AGO4: variants seen among roughly 807,000 people sequenced by gnomAD.
AGO4 encodes protein argonaute-4.
AGO4 carries 33 observed loss-of-function variants against 104.7 expected under a neutral mutation model. The observed-to-expected ratio is 0.32, with a 90% CI of 0.24 to 0.42. The LOEUF is 0.42. AGO4 is among the 10% of genes least tolerant of loss of function. The probability of loss-of-function intolerance (pLI) is 1.00; values close to 1 mark genes in which losing one functional copy is unlikely to be tolerated. For synonymous variants in AGO4, 331 were observed against 364.7 expected (o/e 0.91, Z 1.05); for missense variants, 711 against 1,083.4 (o/e 0.66, Z 4.83).
chr1:35,829,218 A>G (rs1441708875), intron 7 of AGO4, among the ~76,000 whole-genome samples: 1 of 151,920 alleles, frequency 6.6e-6, no homozygotes, highest in Non-Finnish European at 1.5e-5. Context: ...ATTCTTCAGT[A>G]TGACCTCATG....
In AGO4 at chr1:35,836,111, C is replaced by A. The variant is rs1019124027; in HGVS notation, c.1724+118C>A. 1.9e-5 allele frequency: 20 copies of A among 1,027,464 alleles called. No individual in the cohort carries two copies. The African/African-American group carries it at 3.1e-4, about 16-fold the overall frequency. The allele number at this position is 1,027,464 out of a possible 1,614,324, so 63.6% of individuals were successfully genotyped here. A position where few individuals can be genotyped will look rare whatever the true frequency, so the allele number is the denominator to read the frequency against. On this transcript the variant is annotated intron_variant, in intron 13 of 17. Coordinates refer to ENST00000373210, the MANE Select transcript of AGO4 (RefSeq NM_017629.4). ...ACCTTTTCTCTTGTATATATATGCA[C>A]CCATATACCCAATTCCCAGATAAAG...
At chr1:35,828,521 ACTT>A (rs1340024774) in intron 7 of AGO4, among the ~76,000 whole-genome samples, 1 of 145,116 alleles carries the variant, frequency 6.9e-6, no homozygotes, top group Non-Finnish European at 1.5e-5. Flanking sequence ...ATCACCCAAC[ACTT>A]CTTTTTTTTT....
chr1:35,826,012 A>G lies in AGO4; in HGVS notation c.712A>G (p.Lys238Glu). The G allele has an allele frequency of 6.2e-7, 1 of 1,614,218 alleles. No individual in the cohort carries two copies. The highest frequency in any genetic ancestry group is 8.5e-7 in the Non-Finnish European group (1 of 1,180,040). The change falls in exon 6 of 18, where the codon AAA becomes GAA. Residue 238 changes from lysine to glutamate, a missense_variant. This residue lies in a region of AGO4 where 308 missense variants were observed against 397.8 expected (regional missense o/e 0.77). Coordinates refer to ENST00000373210, the MANE Select transcript of AGO4 (RefSeq NM_017629.4). ...LDIQNINEQT[K>E]PLTDSQRVKF... ...CATTCAGAACATCAATGAACAGACC[A>G]AACCTCTAACAGACTCCCAGCGTGT...
At chr1:35,838,830 A>G (rs1390483969) in intron 13 of AGO4, among the ~76,000 whole-genome samples, 1 of 152,162 alleles carries the variant, frequency 6.6e-6, no homozygotes, top group Non-Finnish European at 1.5e-5. Flanking sequence ...AGTGATTTGA[A>G]GAGTTAAATT....
At chr1:35,814,753 A>G (rs994780657) in intron 1 of AGO4, among the ~76,000 whole-genome samples, 3 of 152,214 alleles carry the variant, frequency 2.0e-5, no homozygotes, top group African/African-American at 7.2e-5. Flanking sequence ...ATATAGTGGG[A>G]AAATGAATAA....
At chr1:35,836,124 T>C in intron 13 of AGO4, 131 bp downstream of exon 13, 1 of 955,534 alleles carries the variant, frequency 1.0e-6, no homozygotes, top group South Asian at 1.9e-5. Flanking sequence ...ATATACCCAA[T>C]TCCCAGATAA....
At chr1:35,816,502 G>A (rs1406502653) in intron 1 of AGO4, among the ~76,000 whole-genome samples, 1 of 152,018 alleles carries the variant, frequency 6.6e-6, no homozygotes, top group Non-Finnish European at 1.5e-5. Flanking sequence ...AGAAGAAGAA[G>A]AATAAATAGC....
intron 17 of AGO4, among the ~76,000 whole-genome samples, chr1:35,851,401 C>T (rs1478635450): frequency 2.0e-5 from 3 of 152,154 alleles, no homozygotes; most frequent in Non-Finnish European, 4.4e-5. Flanking sequence ...GCTGTGGATT[C>T]CACTTCATGC....
intron 1 of AGO4, among the ~76,000 whole-genome samples, chr1:35,812,705 C>A (rs1237100854): frequency 6.6e-6 from 1 of 152,120 alleles, no homozygotes; most frequent in African/African-American, 2.4e-5. Context: ...TATTCCCCTG[C>A]CTCAGTCTCC....
At position 35,856,826 on chromosome 1, in the gene AGO4, A is replaced by T. The variant is rs975003526; in HGVS notation, c.*3221A>T. 2 of 22,986 alleles carry T rather than the reference A, an allele frequency of 8.7e-5. No individual in the cohort carries two copies. Among genetic ancestry groups the T allele is most frequent in the African/African-American group, 2.6e-4 (2 of 7,724 alleles). 1.4% of individuals were successfully genotyped at this position (22,986 alleles called of 1,614,324 possible). A position where few individuals can be genotyped will look rare whatever the true frequency, so the allele number is the denominator to read the frequency against. ...AAGAGCGAAACTCTGTCTCAAAAAA[A>T]AAAAGGGGGGGGGGGGACATTAAGA... is the stretch of plus-strand genomic sequence containing the variant. On this transcript the variant is annotated 3_prime_UTR_variant, in exon 18 of 18. Transcript: ENST00000373210.
chr1:35,834,797 G>T (rs1215487848), intron 12 of AGO4, among the ~76,000 whole-genome samples: 2 of 152,104 alleles, frequency 1.3e-5, no homozygotes, highest in African/African-American at 4.8e-5. Flanking sequence ...CTGGGCTCAA[G>T]TGATTCTCCC....
chr1:35,814,318 T>A (rs529657544), intron 1 of AGO4, among the ~76,000 whole-genome samples: 16 of 152,132 alleles, frequency 1.1e-4, no homozygotes, highest in East Asian at 9.6e-4. Context: ...TTTTTTTAAA[T>A]TTTTTTTATT....
At chr1:35,837,929 C>G (rs1354095945) in intron 13 of AGO4, among the ~76,000 whole-genome samples, 1 of 152,082 alleles carries the variant, frequency 6.6e-6, no homozygotes, top group Non-Finnish European at 1.5e-5. Flanking sequence ...GTCACCCAGG[C>G]TGGAGTGCAG....
At position 35,822,956 on chromosome 1, in the gene AGO4, C is replaced by T; in HGVS notation, c.280C>T (p.His94Tyr). 2 of 1,614,084 alleles carry T rather than the reference C, an allele frequency of 1.2e-6. No individual in the cohort carries two copies. The highest frequency in any genetic ancestry group is 1.3e-5 in the African/African-American group (1 of 75,038). Residue 94 changes from histidine (H) to tyrosine (Y), a missense_variant, in exon 3 of 18, where the codon CAT (histidine) becomes TAT (tyrosine). By Grantham distance (83) the His-to-Tyr change is moderately conservative. Around this residue, in one of 3 missense-constraint regions of AGO4, gnomAD observed 308 missense variants for 397.8 expected, o/e 0.77. Coordinates refer to ENST00000373210, the MANE Select transcript of AGO4 (RefSeq NM_017629.4). ...YDGKRNMYTA[H>Y]PLPIGRDRVD... The stretch of plus-strand genomic sequence containing the variant: ...TGGCAAAAGAAACATGTACACAGCA[C>T]ATCCACTACCAATTGGACGGGATAG...
At chr1:35,837,101 G>A (rs752595043) in intron 13 of AGO4, among the ~76,000 whole-genome samples, 1 of 151,892 alleles carries the variant, frequency 6.6e-6, no homozygotes, top group Non-Finnish European at 1.5e-5. Flanking sequence ...GTTTTGTTTT[G>A]AGATGGAGTC....
intron 1 of AGO4, among the ~76,000 whole-genome samples, chr1:35,810,967 A>ACTAAAAATATAAAAATTAGCTGG (rs1553143042): frequency 1.1e-4 from 16 of 150,896 alleles, no homozygotes; most frequent in African/African-American, 3.9e-4. Context: ...CTCCGTCTCT[A>ACTAAAAATATAAAAATTAGCTGG]CTAAAAATAT....
At chr1:35,850,064 C>T in intron 15 of AGO4, 93 bp from the exon 16 acceptor site, 1 of 752,288 alleles carries the variant, frequency 1.3e-6, no homozygotes, top group Non-Finnish European at 2.2e-6. Flanking sequence ...GAGACATTTA[C>T]CAACTTGCTC....
At chr1:35,845,858 T>C (rs1003733316) in intron 15 of AGO4, among the ~76,000 whole-genome samples, 3 of 152,230 alleles carry the variant, frequency 2.0e-5, no homozygotes, top group Admixed American at 1.3e-4. Flanking sequence ...GTGGCTCTGC[T>C]GCAGCTGTGA....
At chr1:35,810,685 G>A (rs1037837795) in intron 1 of AGO4, among the ~76,000 whole-genome samples, 9 of 152,102 alleles carry the variant, frequency 5.9e-5, no homozygotes, top group African/African-American at 9.7e-5. Flanking sequence ...GTTTCAAAGG[G>A]TCAAGTGGTG....
Sources: allele counts gnomAD v4.1 joint callset (sites outside exome capture counted in the v4.1 genomes callset), GRCh38; gene constraint gnomAD v4.1.1; regional missense constraint gnomAD v4.1.1; transcripts MANE v1.5; gene names NCBI Gene and HGNC (gene_info 2026-07-23, HGNC 2026-07-21).